The following PTPRM variants were observed in gnomAD, a reference collection of about 807,000 sequenced individuals.
The protein encoded by PTPRM is protein tyrosine phosphatase receptor type M.
A neutral mutation model predicts 186.7 loss-of-function variants in PTPRM; 47 were observed. The observed-to-expected ratio is 0.25, with a 90% CI of 0.20 to 0.32. The LOEUF is 0.32. PTPRM is among the 10% of genes least tolerant of loss of function. The pLI, the probability that PTPRM is intolerant of heterozygous loss-of-function variation, is 1.00. For missense variants in PTPRM, 1,494 were observed against 1,865.0 expected, an observed-to-expected ratio of 0.80 and a Z score of 3.66; for synonymous variants, 668 against 674.9, an observed-to-expected ratio of 0.99 and a Z score of 0.16.
At chr18:8,141,257 A>T (rs1600799276) in intron 13 of PTPRM, among the ~76,000 whole-genome samples, 1 of 152,272 alleles carries the variant, frequency 6.6e-6, no homozygotes, top group East Asian at 1.9e-4. Context: ...AAACCCAAAC[A>T]CCCGACTCAA....
intron 1 of PTPRM, among the ~76,000 whole-genome samples, chr18:7,738,589 C>T (rs1157131847): frequency 6.8e-6 from 1 of 147,058 alleles, no homozygotes; most frequent in South Asian, 2.4e-4. Context: ...GCGCCCGCCA[C>T]CACACCCGGC....
At chr18:8,368,657 A>G (rs1057255433) in intron 23 of PTPRM, among the ~76,000 whole-genome samples, 1 of 152,212 alleles carries the variant, frequency 6.6e-6, no homozygotes, top group Admixed American at 6.5e-5. Flanking sequence ...AACCAGCCAC[A>G]TAGCTCATGG....
intron 11 of PTPRM, among the ~76,000 whole-genome samples, chr18:8,101,316 A>G (rs2091281828): frequency 6.6e-6 from 1 of 152,226 alleles, no homozygotes. Flanking sequence ...ACAGCATCAA[A>G]CACAGATGTT....
intron 23 of PTPRM, among the ~76,000 whole-genome samples, chr18:8,356,763 C>T (rs2095565628): frequency 1.3e-5 from 2 of 152,038 alleles, no homozygotes; most frequent in African/African-American, 2.4e-5. Context: ...CAGCCAATAG[C>T]CCAAATCCTC....
At chr18:7,957,655 G>C (rs778839948) in intron 7 of PTPRM, among the ~76,000 whole-genome samples, 1 of 152,186 alleles carries the variant, frequency 6.6e-6, no homozygotes, top group Non-Finnish European at 1.5e-5. Flanking sequence ...GAAAGTGAAA[G>C]GTGAGGAAAG....
chr18:7,752,137 G>A (rs1043967587), intron 1 of PTPRM, among the ~76,000 whole-genome samples: 25 of 152,256 alleles, frequency 1.6e-4, no homozygotes, highest in Middle Eastern at 6.8e-3. Context: ...CACACATACA[G>A]AATTAATTAA....
intron 11 of PTPRM, among the ~76,000 whole-genome samples, chr18:8,093,134 T>C (rs542219213): frequency 4.6e-5 from 7 of 152,224 alleles, no homozygotes; most frequent in South Asian, 4.1e-4. Context: ...TTTTTTTTTT[T>C]CTCAAGCAGC....
At chr18:7,652,555 A>G (rs2038738408) in intron 1 of PTPRM, among the ~76,000 whole-genome samples, 1 of 151,918 alleles carries the variant, frequency 6.6e-6, no homozygotes, top group African/African-American at 2.4e-5. Flanking sequence ...CATATACACC[A>G]TGGAATACTA....
intron 4 of PTPRM, among the ~76,000 whole-genome samples, chr18:7,908,158 A>G (rs113677872): frequency 0.016 from 2,385 of 152,238 alleles, 59 homozygotes; most frequent in African/African-American, 0.054. Flanking sequence ...CCAAAATGCT[A>G]TGAAGTGTCT....
chr18:7,993,378 A>G (rs544957304), intron 7 of PTPRM, among the ~76,000 whole-genome samples: 20 of 152,202 alleles, frequency 1.3e-4, no homozygotes, highest in Non-Finnish European at 2.2e-4. Flanking sequence ...GGAGGCTTAA[A>G]GACTTCTGAA....
At chr18:7,838,374 T>C (rs1567895475) in intron 2 of PTPRM, among the ~76,000 whole-genome samples, 2 of 152,166 alleles carry the variant, frequency 1.3e-5, no homozygotes, top group African/African-American at 4.8e-5. Flanking sequence ...GGAACTACGA[T>C]TCAAGATGAG....
intron 1 of PTPRM, among the ~76,000 whole-genome samples, chr18:7,611,373 C>T (rs1241287577): frequency 6.6e-6 from 1 of 152,180 alleles, no homozygotes; most frequent in Non-Finnish European, 1.5e-5. Context: ...CTCACTGACC[C>T]ATCCAGAGCA....
intron 2 of PTPRM, among the ~76,000 whole-genome samples, chr18:7,876,405 C>T (rs1370759352): frequency 6.6e-6 from 1 of 151,996 alleles, no homozygotes; most frequent in Non-Finnish European, 1.5e-5. Context: ...TATAAAAATG[C>T]TCAAAATACA....
chr18:8,128,978 T>C (rs1481898115), intron 13 of PTPRM, among the ~76,000 whole-genome samples: 2 of 152,192 alleles, frequency 1.3e-5, no homozygotes, highest in Admixed American at 6.5e-5. Flanking sequence ...TTGAATGGCA[T>C]ATATTGAAAT....
intron 1 of PTPRM, among the ~76,000 whole-genome samples, chr18:7,587,291 A>G (rs752291791): frequency 2.0e-5 from 3 of 152,156 alleles, no homozygotes; most frequent in Non-Finnish European, 4.4e-5. Flanking sequence ...GTTAAACATC[A>G]ATTCTATTTC....
chr18:7,655,208 C>CT (rs1302902765), intron 1 of PTPRM, among the ~76,000 whole-genome samples: 3 of 151,756 alleles, frequency 2.0e-5, no homozygotes, highest in East Asian at 3.9e-4. Flanking sequence ...TTCTTTCTTT[C>CT]TTTTTTCACA....
At chr18:8,199,902 C>A (rs532860340) in intron 14 of PTPRM, among the ~76,000 whole-genome samples, 1 of 152,198 alleles carries the variant, frequency 6.6e-6, no homozygotes, top group South Asian at 2.1e-4. Flanking sequence ...TAGAAATTAA[C>A]ACTGTATCCC....
At chr18:7,612,232 G>A (rs2037693316) in intron 1 of PTPRM, among the ~76,000 whole-genome samples, 1 of 152,080 alleles carries the variant, frequency 6.6e-6, no homozygotes. Context: ...CTACTGTTAT[G>A]CTACAGTTTA....
chr18:7,889,339 T>TC (rs1243684799), intron 3 of PTPRM, among the ~76,000 whole-genome samples: 4 of 145,118 alleles, frequency 2.8e-5, no homozygotes, highest in African/African-American at 1.0e-4. Context: ...CTTTCTTTTT[T>TC]TTTTTTTTTT....
Sources: gnomAD v4.1 joint callset for allele counts (sites outside exome capture counted in the v4.1 genomes callset) on GRCh38, gnomAD v4.1.1 for gene constraint, MANE v1.5 for transcripts, NCBI Gene and HGNC (gene_info 2026-07-23, HGNC 2026-07-21) for gene names.